The following CPVL variants were observed in gnomAD, a reference collection of about 807,000 sequenced individuals.
CPVL encodes probable serine carboxypeptidase CPVL.
In CPVL, 51 loss-of-function variants were observed where a neutral mutation model predicts 63.7. The observed-to-expected ratio is 0.80, with a 90% CI of 0.64 to 1.01. CPVL has a LOEUF of 1.01. CPVL is among the 50% of genes least tolerant of loss of function. The probability of loss-of-function intolerance (pLI) is 0.00; values close to 1 mark genes in which losing one functional copy is unlikely to be tolerated. For missense variants in CPVL, 530 were observed against 573.1 expected (o/e 0.92, Z 0.77); for synonymous variants, 195 against 206.0 (o/e 0.95, Z 0.46).
At chr7:29,118,799 GTTC>G (rs966927859) in intron 2 of CPVL, among the ~76,000 whole-genome samples, 4 of 152,152 alleles carry the variant, frequency 2.6e-5, no homozygotes, top group African/African-American at 9.7e-5. Flanking sequence ...AATTTCCGGT[GTTC>G]TTCTTCATTC....
chr7:29,110,092 T>C (rs1788106358), intron 3 of CPVL, among the ~76,000 whole-genome samples: 1 of 152,158 alleles, frequency 6.6e-6, no homozygotes, highest in Non-Finnish European at 1.5e-5. Flanking sequence ...TTAGTTCCTG[T>C]TTTTACAAAT....
At position 29,084,113 on chromosome 7, in the gene CPVL, G is replaced by C. The variant is rs550911498; in HGVS notation, c.609+2371C>G. On this transcript the variant is annotated intron_variant, in intron 7 of 12. Transcript: ENST00000265394. ...CAGATACTCAATATATCTGTGCTCA[G>C]TTGAATTCAATTCTAAATGTTCTTT... Among the ~76,000 whole-genome samples the C allele has an allele frequency of 1.1e-4, 17 of 152,206 alleles. No individual in the cohort carries two copies. The South Asian group carries it at 2.7e-3, about 24-fold the overall frequency.
intron 3 of CPVL, among the ~76,000 whole-genome samples, chr7:29,100,029 T>C (rs1188384206): frequency 6.6e-6 from 1 of 152,188 alleles, no homozygotes; most frequent in Non-Finnish European, 1.5e-5. Context: ...TTTAAATAAG[T>C]GATTTTTATC....
At chr7:29,194,750 TAGC>T (rs1216267655) in intron 1 of CPVL, 5 of 452,624 alleles carry the variant, frequency 1.1e-5, no homozygotes, top group Admixed American at 4.5e-5. Context: ...CACAAATAAA[TAGC>T]GGCGGCGGCA....
chr7:29,092,692 C>T lies in CPVL; in HGVS notation c.473G>A (p.Gly158Asp), dbSNP rs1462117075. Residue 158 changes from glycine to aspartate, a missense_variant, in exon 6 of 13, where the codon GGC (glycine) becomes GAC (aspartate). Physicochemically the swap from Gly to Asp is moderately conservative, Grantham distance 94. Transcript: ENST00000265394. ...MLYIDNPVGTGFSFTDDTHGY... is the reference protein window; with the variant it reads ...MLYIDNPVGTDFSFTDDTHGY... ...GTGGGTATCATCAGTAAAACTGAAG[C>T]CTGTGCCCACCTGCAGGAGAAATAA... 1 of 1,611,904 alleles carries T rather than the reference C, an allele frequency of 6.2e-7. No homozygotes were observed. The highest frequency in any genetic ancestry group is 1.7e-5 in the Admixed American group (1 of 60,000).
chr7:29,168,940 A>C (rs1013029446), intron 5 of CPVL, among the ~76,000 whole-genome samples: 2 of 152,246 alleles, frequency 1.3e-5, no homozygotes, highest in Non-Finnish European at 2.9e-5. Flanking sequence ...AGTAATACCC[A>C]GCCCAATGTG....
chr7:29,027,645 A>C (rs2128149802), intron 12 of CPVL, among the ~76,000 whole-genome samples: 1 of 152,344 alleles, frequency 6.6e-6, no homozygotes, highest in Middle Eastern at 3.4e-3. Flanking sequence ...AGGATACAAA[A>C]TCAACATACA....
At chr7:29,114,102 G>C (rs905538056) in intron 2 of CPVL, among the ~76,000 whole-genome samples, 1 of 152,128 alleles carries the variant, frequency 6.6e-6, no homozygotes, top group Non-Finnish European at 1.5e-5. Context: ...AGCATTCAGA[G>C]ACATTGACAG....
intron 11 of CPVL, among the ~76,000 whole-genome samples, chr7:29,062,967 G>A (rs531955905): frequency 1.3e-5 from 2 of 152,252 alleles, no homozygotes; most frequent in South Asian, 4.2e-4. Flanking sequence ...ATCCTTCGGA[G>A]TTGCCCTAGA....
At chr7:29,191,343 CAGA>C (rs1376442895) in intron 1 of CPVL, among the ~76,000 whole-genome samples, 1 of 152,180 alleles carries the variant, frequency 6.6e-6, no homozygotes, top group Non-Finnish European at 1.5e-5. Context: ...AGAAATCCAA[CAGA>C]AGAAGAGTTA....
chr7:29,190,296 C>T (rs1782725315), intron 1 of CPVL, among the ~76,000 whole-genome samples: 2 of 152,158 alleles, frequency 1.3e-5, no homozygotes, highest in Non-Finnish European at 2.9e-5. Context: ...AGCTAGTTGA[C>T]GAATAGCCCT....
chr7:29,157,822 A>G (rs1211516199), intron 5 of CPVL, among the ~76,000 whole-genome samples: 1 of 146,404 alleles, frequency 6.8e-6, no homozygotes, highest in Non-Finnish European at 1.5e-5. Flanking sequence ...TCAAAGAGGC[A>G]CTTAGGAGGA....
chr7:29,085,781 C>T lies in CPVL; in HGVS notation c.609+703G>A, dbSNP rs544433316. ...ATGTGACACACCAGAAAGTACACAC[C>T]ATCTATGTAATGATCTTGCTCAAAT... On this transcript the variant is annotated intron_variant, in intron 7 of 12. Transcript: ENST00000265394. 2.0e-5 allele frequency among the ~76,000 whole-genome samples: 3 copies of T among 152,246 alleles called. No homozygotes were observed. The East Asian group carries it at 5.8e-4, about 29-fold the overall frequency.
intron 12 of CPVL, among the ~76,000 whole-genome samples, chr7:28,998,294 C>T (rs962242164): frequency 2.6e-5 from 4 of 152,164 alleles, no homozygotes; most frequent in African/African-American, 7.2e-5. Context: ...AGCAATGGTC[C>T]GGAACACCAA....
chr7:29,108,693 C>T (rs1787964661), intron 3 of CPVL, among the ~76,000 whole-genome samples: 1 of 152,188 alleles, frequency 6.6e-6, no homozygotes, highest in East Asian at 1.9e-4. Flanking sequence ...AATGCTTTCC[C>T]TTATTATCTC....
chr7:29,021,106 G>A (rs563582448), intron 12 of CPVL, among the ~76,000 whole-genome samples: 28 of 152,170 alleles, frequency 1.8e-4, no homozygotes, highest in South Asian at 1.2e-3. Context: ...CCTAGAAGGC[G>A]GAGGTTGTAG....
chr7:29,056,725 G>T (rs1217764112), intron 11 of CPVL, among the ~76,000 whole-genome samples: 1 of 152,136 alleles, frequency 6.6e-6, no homozygotes, highest in African/African-American at 2.4e-5. Flanking sequence ...GGTATGGTAA[G>T]AGTATATTAA....
chr7:29,009,178 T>C (rs1299545861), intron 12 of CPVL: 1 of 125,456 alleles, frequency 8.0e-6, no homozygotes, highest in African/African-American at 2.9e-5. Context: ...TCCTTCAATT[T>C]GATGGCATTA....
At chr7:29,099,959 C>CT (rs1562769250) in intron 3 of CPVL, among the ~76,000 whole-genome samples, 1 of 152,140 alleles carries the variant, frequency 6.6e-6, no homozygotes, top group Non-Finnish European at 1.5e-5. Flanking sequence ...GCTGTAAACT[C>CT]CAATGTGCTG....
Sources: gnomAD v4.1 joint callset for allele counts (sites outside exome capture counted in the v4.1 genomes callset) on GRCh38, gnomAD v4.1.1 for gene constraint, MANE v1.5 for transcripts, NCBI Gene and HGNC (gene_info 2026-07-23, HGNC 2026-07-21) for gene names.